Variants in TREH observed in about 807,000 individuals in gnomAD.
TREH encodes alpha,alpha-trehalose glucohydrolase.
Under a neutral mutation model 80.5 loss-of-function variants are expected in TREH, and 69 were observed. The observed-to-expected ratio is 0.86, with a 90% confidence interval of 0.71 to 1.05. TREH has a LOEUF of 1.05. Ranked by LOEUF, TREH falls within the 50% of genes least tolerant of loss-of-function variation. TREH has a pLI of 0.00. For synonymous variants in TREH, 309 were observed against 293.5 expected, an observed-to-expected ratio of 1.05 and a Z score of -0.54; for missense variants, 716 against 718.8, an observed-to-expected ratio of 1.00 and a Z score of 0.04.
At chr11:118,658,804 C>T in intron 13 of TREH, 71 bp from the exon 14 acceptor site, 1 of 1,611,172 alleles carries the variant, frequency 6.2e-7, no homozygotes, top group South Asian at 1.1e-5. Context: ...CAACCAGAGC[C>T]CCTGGGGAGA....
intron 12 of TREH, 104 bp downstream of exon 12, chr11:118,659,266 A>T (rs1192441456): frequency 7.0e-6 from 7 of 1,000,772 alleles, no homozygotes; most frequent in Non-Finnish European, 1.0e-5. Flanking sequence ...GAGAGAAAGG[A>T]TACGGGGCCT....
At position 118,660,722 on chromosome 11, in the gene TREH, C is replaced by T; in HGVS notation, c.919G>A (p.Ala307Thr). 1.3e-6 allele frequency: 2 copies of T among 1,583,804 alleles called. No homozygotes were observed. Among genetic ancestry groups the T allele is most frequent in the Non-Finnish European group, 1.7e-6 (2 of 1,165,056 alleles). Residue 307 changes from alanine to threonine, a missense_variant, in exon 10 of 15, where the codon GCT becomes ACT. Ala to Thr is a moderately conservative substitution (Grantham distance 58, BLOSUM62 0). Coordinates refer to ENST00000264029, the MANE Select transcript of TREH (RefSeq NM_007180.3). ...CCAGCCTTGAGCTCAGCCCACAGAG[C>T]CTCCCGGTCTCCTGTGAGGACAGAG... ...ADTLPEGDRE[A>T]LWAELKAGAE...
chr11:118,666,931 G>A (rs1949383437), intron 1 of TREH, among the ~76,000 whole-genome samples: 1 of 152,054 alleles, frequency 6.6e-6, no homozygotes, highest in Non-Finnish European at 1.5e-5. Context: ...TGCCCAGGCT[G>A]GAGTACAATG....
rs782667217 is a variant in TREH, at chr11:118,659,459, T to C, written c.1343A>G (p.Gln448Arg). 6.2e-7 allele frequency: 1 copy of C among 1,603,770 alleles called. No individual in the cohort carries two copies. The highest frequency in any genetic ancestry group is 8.5e-7 in the Non-Finnish European group (1 of 1,174,640). Residue 448 changes from glutamine to arginine, a missense_variant, in exon 12 of 15, where the codon CAG becomes CGG. Coordinates refer to ENST00000264029, the MANE Select transcript of TREH (RefSeq NM_007180.3). ...YLEDNRILTY[Q>R]YGIPTSLQKT... ...CTGGAGAGAGGTCGGGATCCCATACTGGTAAGTCAGGATCCGGTTGTCCTA... is the reference window on the plus strand; with the variant it reads ...CTGGAGAGAGGTCGGGATCCCATACCGGTAAGTCAGGATCCGGTTGTCCTA...
chr11:118,659,797 C>T lies in TREH; in HGVS notation c.1270G>A (p.Gly424Arg), dbSNP rs781912762. 4.3e-5 allele frequency: 68 copies of T among 1,584,112 alleles called. 1 individual carries two copies. The South Asian group carries it at 6.7e-4, about 16-fold the overall frequency. The part of the protein sequence containing the change: ...YPSNLTPLWA[G>R]CFSDPGVADK... ...GCCACGCCAGGGTCAGAGAAACACC[C>T]GGCCCAGAGTGGAGTGAGGTTGGAT... Residue 424 changes from glycine (G) to arginine (R), a missense_variant, in exon 11 of 15, where the codon GGG becomes AGG. Transcript: ENST00000264029.
In TREH at chr11:118,659,755, A is replaced by G; in HGVS notation, c.1312T>C (p.Tyr438His). 1.3e-6 allele frequency: 2 copies of G among 1,574,848 alleles called. No homozygotes were observed. The highest frequency in any genetic ancestry group is 1.7e-6 in the Non-Finnish European group (2 of 1,159,702). Residue 438 changes from tyrosine (Y) to histidine (H), a missense_variant, in exon 11 of 15, where the codon TAC (tyrosine) becomes CAC (histidine). Tyr to His is a moderately conservative substitution (Grantham distance 83). Coordinates refer to ENST00000264029, the MANE Select transcript of TREH (RefSeq NM_007180.3). The stretch of plus-strand genomic sequence containing the variant: ...ACCTGCTGTGCCCTCACCTCCAGGT[A>G]TTTCAGAGCCTTGTCCGCCACGCCA... ...DPGVADKALK[Y>H]LEDNRILTYQ...
intron 1 of TREH, among the ~76,000 whole-genome samples, chr11:118,666,601 A>C (rs1297329419): frequency 2.6e-5 from 4 of 152,230 alleles, no homozygotes; most frequent in Non-Finnish European, 5.9e-5. Flanking sequence ...TTTTCAGGTT[A>C]CATCTACTAC....
intron 1 of TREH, among the ~76,000 whole-genome samples, chr11:118,676,769 C>CAAAA (rs11381679): frequency 6.8e-6 from 1 of 146,010 alleles, no homozygotes; most frequent in Non-Finnish European, 1.5e-5. Context: ...ATTGCTGTCT[C>CAAAA]AAAAAAAAAA....
intron 1 of TREH, among the ~76,000 whole-genome samples, chr11:118,672,016 C>T (rs569521970): frequency 9.2e-5 from 14 of 152,140 alleles, no homozygotes; most frequent in Non-Finnish European, 1.8e-4. Flanking sequence ...CAAACAAAAG[C>T]TGAGGGATTT....
At chr11:118,679,290 T>C (rs1837525270) in intron 1 of TREH, among the ~76,000 whole-genome samples, 1 of 152,016 alleles carries the variant, frequency 6.6e-6, no homozygotes, top group South Asian at 2.1e-4. Flanking sequence ...TGAGTGGAGA[T>C]GGTGCCACTG....
At chr11:118,659,671 C>T in intron 11 of TREH, 76 bp downstream of exon 11, 8 of 1,512,568 alleles carry the variant, frequency 5.3e-6, no homozygotes, top group Non-Finnish European at 7.2e-6. Flanking sequence ...AAGCGCCCTC[C>T]CCTGCAGGTC....
intron 1 of TREH, among the ~76,000 whole-genome samples, chr11:118,671,462 G>A (rs1949428894): frequency 1.3e-5 from 2 of 152,042 alleles, no homozygotes; most frequent in African/African-American, 4.8e-5. Context: ...TAGTGAGCTT[G>A]AAGACAGGCT....
chr11:118,668,977 A>G (rs967854022), intron 1 of TREH, among the ~76,000 whole-genome samples: 1 of 152,182 alleles, frequency 6.6e-6, no homozygotes, highest in Non-Finnish European at 1.5e-5. Flanking sequence ...TAACAATCCA[A>G]TTAAATATGG....
chr11:118,658,943 A>C lies in TREH; in HGVS notation c.1507T>G (p.Phe503Val). 1 of 1,613,828 alleles carries C rather than the reference A, an allele frequency of 6.2e-7. No individual in the cohort carries two copies. Residue 503 changes from phenylalanine (F) to valine (V), a missense_variant, in exon 13 of 15, where the codon TTT (phenylalanine) becomes GTT (valine). Transcript: ENST00000264029. ...GCTGACTTCTGCGAGTAGACATCAAAATTGGTTCGGATCCAATTCTGAGCC... is the reference window on the plus strand; with the variant it reads ...GCTGACTTCTGCGAGTAGACATCAACATTGGTTCGGATCCAATTCTGAGCC... ...QLAQNWIRTN[F>V]DVYSQKSAMY...
intron 1 of TREH, among the ~76,000 whole-genome samples, chr11:118,677,723 C>CA (rs1452729747): frequency 2.6e-5 from 4 of 151,346 alleles, no homozygotes; most frequent in Admixed American, 1.3e-4. Flanking sequence ...GACTCTGTCT[C>CA]AAAAAAAGAA....
intron 12 of TREH, 149 bp downstream of exon 12, chr11:118,659,221 T>C (rs1949274004): frequency 1.2e-6 from 1 of 828,880 alleles, no homozygotes; most frequent in Non-Finnish European, 1.9e-6. Context: ...TGGGTGGACA[T>C]AAGTGTCAAG....
intron 2 of TREH, 34 bp downstream of exon 2, chr11:118,663,305 C>T (rs1314417016): frequency 1.3e-6 from 2 of 1,565,608 alleles, no homozygotes; most frequent in Non-Finnish European, 1.7e-6. Flanking sequence ...AGAGAAGGTT[C>T]TCTGGAGAGG....
intron 1 of TREH, among the ~76,000 whole-genome samples, chr11:118,666,430 A>G (rs1220713474): frequency 6.6e-6 from 1 of 152,236 alleles, no homozygotes; most frequent in African/African-American, 2.4e-5. Flanking sequence ...TGCATTTGCC[A>G]AGACGACTCC....
chr11:118,672,578 G>A (rs1476271279), intron 1 of TREH, among the ~76,000 whole-genome samples: 1 of 151,626 alleles, frequency 6.6e-6, no homozygotes, highest in African/African-American at 2.4e-5. Flanking sequence ...GGGCGTGGTG[G>A]TGCATGCCTG....
Sources: gnomAD v4.1 joint callset for allele counts (sites outside exome capture counted in the v4.1 genomes callset) on GRCh38, gnomAD v4.1.1 for gene constraint, MANE v1.5 for transcripts, NCBI Gene and HGNC (gene_info 2026-07-23, HGNC 2026-07-21) for gene names.